The following NRG1 variants were observed in gnomAD, a reference collection of about 807,000 sequenced individuals.
The protein encoded by NRG1 is neuregulin 1, also known as pro-neuregulin-1, membrane-bound isoform.
Under a neutral mutation model 63.8 loss-of-function variants are expected in NRG1, and 18 were observed. The observed-to-expected ratio is 0.28, with a 90% CI of 0.19 to 0.42. The LOEUF (loss-of-function observed/expected upper bound fraction) is 0.42, where lower values mean the gene tolerates loss of function less well. Among genes scored for constraint, NRG1 ranks in the 10% least tolerant of loss-of-function variants. The pLI, the probability that NRG1 is intolerant of heterozygous loss-of-function variation, is 1.00. For missense variants in NRG1, 762 were observed against 814.7 expected (o/e 0.94, Z 0.79); for synonymous variants, 302 against 301.3 (o/e 1.00, Z -0.02).
chr8:32,103,517 C>T (rs1378167666), intron 1 of NRG1, among the ~76,000 whole-genome samples: 2 of 152,190 alleles, frequency 1.3e-5, no homozygotes, highest in African/African-American at 4.8e-5. Flanking sequence ...ATCTCTTTGA[C>T]ATGCTGATTT....
At chr8:31,704,527 G>T (rs557190434) in intron 1 of NRG1, among the ~76,000 whole-genome samples, 2 of 151,946 alleles carry the variant, frequency 1.3e-5, no homozygotes, top group East Asian at 3.9e-4. Flanking sequence ...TTTTTGGGGG[G>T]TTAGAAAAAT....
rs769777665 is a variant in NRG1 at position 31,640,763 on chromosome 8, G to A, written c.37+1332G>A. 3 of 1,464,216 alleles carry A rather than the reference G, an allele frequency of 2.0e-6. No individual in the cohort carries two copies. Among genetic ancestry groups the A allele is most frequent in the Non-Finnish European group, 2.7e-6 (3 of 1,105,682 alleles). 90.7% of individuals were successfully genotyped at this position (1,464,216 alleles called of 1,614,324 possible). On this transcript the variant is annotated intron_variant, in intron 1 of 10. Coordinates refer to the NRG1 transcript ENST00000519301. This position sits in a 1 kb window ranked among gnomAD's most constrained non-coding sequence, Gnocchi z 6.3. Reference sequence around the variant, plus strand: ...CTCGCCCTTGGGGGCGCGAACCCGCGGCGAGGAGGGCGCATCCCGGGCGCG... The same window carrying A: ...CTCGCCCTTGGGGGCGCGAACCCGCAGCGAGGAGGGCGCATCCCGGGCGCG...
intron 1 of NRG1, among the ~76,000 whole-genome samples, chr8:31,999,346 A>C (rs1189070644): frequency 1.3e-5 from 2 of 152,000 alleles, no homozygotes; most frequent in African/African-American, 4.8e-5. Context: ...AGCTTAAATT[A>C]TGTATCTAAA....
chr8:31,776,427 C>T (rs1284932878), intron 1 of NRG1, among the ~76,000 whole-genome samples: 2 of 152,150 alleles, frequency 1.3e-5, no homozygotes, highest in Non-Finnish European at 2.9e-5. Context: ...AAAATAGGAA[C>T]TCTTGAACTT....
intron 1 of NRG1, among the ~76,000 whole-genome samples, chr8:32,376,193 A>G (rs922010916): frequency 5.3e-5 from 8 of 152,218 alleles, no homozygotes; most frequent in Non-Finnish European, 1.0e-4. Context: ...AAATATAATT[A>G]TTGGTGTTAG....
At chr8:31,989,932 G>A (rs893614789) in intron 1 of NRG1, among the ~76,000 whole-genome samples, 1 of 152,092 alleles carries the variant, frequency 6.6e-6, no homozygotes, top group African/African-American at 2.4e-5. Context: ...TGTCTAGCAA[G>A]CAATTTCTCA....
At chr8:32,195,260 C>T (rs2132242402) in intron 1 of NRG1, among the ~76,000 whole-genome samples, 1 of 151,914 alleles carries the variant, frequency 6.6e-6, no homozygotes, top group East Asian at 1.9e-4. Flanking sequence ...ATGGTGAGAT[C>T]CCCTATCTAC....
Position 32,400,111 on chromosome 8 carries a change from C to T in NRG1, c.38-195717C>T, listed in dbSNP as rs189379453. The stretch of plus-strand genomic sequence containing the variant: ...AACATAAATACTTAGGCTGCCATTG[C>T]GTTAATAAGGAAATGCTGGATAGTC... On this transcript the variant is annotated intron_variant, in intron 1 of 10. Transcript: ENST00000519301. Among the ~76,000 whole-genome samples, 339 of 152,236 alleles carry T rather than the reference C, an allele frequency of 2.2e-3. 1 individual carries two copies. Among genetic ancestry groups the T allele is most frequent in the African/African-American group, 7.9e-3 (327 of 41,536 alleles).
rs60715824 is a variant in NRG1, at chr8:32,266,879, C to CA, written c.38-328929dup. On this transcript the variant is annotated intron_variant, in intron 1 of 10. Coordinates refer to the NRG1 transcript ENST00000519301. ...TAAAACCACGTCTCTACTAAAAATACAAAAAAAAAAAAAAAAAAAATTAGC... is the reference window on the plus strand; with the variant it reads ...TAAAACCACGTCTCTACTAAAAATACAAAAAAAAAAAAAAAAAAAAATTAGC... 7.4e-3 allele frequency among the ~76,000 whole-genome samples: 829 copies of CA among 112,784 alleles called. 5 individuals carry two copies. Among genetic ancestry groups the CA allele is most frequent in the South Asian group, 0.011 (38 of 3,358 alleles). The allele number at this position is 112,784 out of a possible 152,430, so 74.0% of individuals were successfully genotyped here. A position where few individuals can be genotyped will look rare whatever the true frequency, so the allele number is the denominator to read the frequency against.
intron 1 of NRG1, among the ~76,000 whole-genome samples, chr8:32,205,562 G>C (rs1843964419): frequency 6.6e-6 from 1 of 152,038 alleles, no homozygotes; most frequent in Non-Finnish European, 1.5e-5. Flanking sequence ...CTGGCATTGT[G>C]AACAAAAAGA....
At chr8:31,664,592 C>T (rs1280822686) in intron 1 of NRG1, among the ~76,000 whole-genome samples, 2 of 152,134 alleles carry the variant, frequency 1.3e-5, no homozygotes, top group African/African-American at 4.8e-5. Context: ...AGTCAGTATA[C>T]CTGAAACTTT....
chr8:32,356,369 C>CT (rs1475301537), intron 1 of NRG1, among the ~76,000 whole-genome samples: 1 of 151,376 alleles, frequency 6.6e-6, no homozygotes, highest in East Asian at 1.9e-4. Context: ...CTTTAAAGAA[C>CT]TTTGAGTTTA....
At chr8:32,475,445 C>T (rs1366248294) in intron 1 of NRG1, among the ~76,000 whole-genome samples, 1 of 110,384 alleles carries the variant, frequency 9.1e-6, no homozygotes, top group African/African-American at 3.6e-5. Flanking sequence ...AGCCTGGTGA[C>T]AGAGAGAGAC....
intron 1 of NRG1, among the ~76,000 whole-genome samples, chr8:32,452,670 T>C (rs1346760729): frequency 1.5e-5 from 2 of 135,064 alleles, no homozygotes; most frequent in Non-Finnish European, 3.2e-5. Context: ...AAGATAGATC[T>C]GATGGAAAAA....
At chr8:32,193,092 G>A (rs1055982804) in intron 1 of NRG1, among the ~76,000 whole-genome samples, 1 of 152,178 alleles carries the variant, frequency 6.6e-6, no homozygotes, top group African/African-American at 2.4e-5. Context: ...ATGAACTGAT[G>A]AATGTTAATA....
At chr8:32,591,968 AAAG>A (rs1478443484) in intron 1 of NRG1, among the ~76,000 whole-genome samples, 1 of 152,058 alleles carries the variant, frequency 6.6e-6, no homozygotes, top group East Asian at 1.9e-4. Context: ...AAAAAAGAAA[AAAG>A]AACAGACTAA....
chr8:31,745,752 A>G (rs926119052), intron 1 of NRG1, among the ~76,000 whole-genome samples: 3 of 151,978 alleles, frequency 2.0e-5, no homozygotes, highest in South Asian at 2.1e-4. Flanking sequence ...GCCAAGATGT[A>G]CTGAAGAGCC....
chr8:32,474,104 T>A (rs1824184313), intron 1 of NRG1, among the ~76,000 whole-genome samples: 1 of 152,248 alleles, frequency 6.6e-6, no homozygotes, highest in Non-Finnish European at 1.5e-5. Flanking sequence ...TATATTCCCA[T>A]ATATTTGTGG....
chr8:31,846,228 A>G (rs1267608880), intron 1 of NRG1, among the ~76,000 whole-genome samples: 1 of 152,252 alleles, frequency 6.6e-6, no homozygotes, highest in African/African-American at 2.4e-5. Flanking sequence ...TTCAGAATAT[A>G]GTTACACAAA....
Sources: allele counts gnomAD v4.1 joint callset (sites outside exome capture counted in the v4.1 genomes callset), GRCh38; gene constraint gnomAD v4.1.1; non-coding constraint Gnocchi (gnomAD v3.1); transcripts MANE v1.5; gene names NCBI Gene and HGNC (gene_info 2026-07-23, HGNC 2026-07-21).